Variants in SLC4A8 observed in about 807,000 individuals in gnomAD.
SLC4A8 encodes the protein solute carrier family 4 member 8, also known as electroneutral sodium bicarbonate exchanger 1.
A neutral mutation model predicts 125.0 loss-of-function variants in SLC4A8; 40 were observed. The ratio of observed to expected loss-of-function variants is 0.32; its 90% CI spans 0.25 to 0.42. The LOEUF (loss-of-function observed/expected upper bound fraction) is 0.42. Ranked by LOEUF, SLC4A8 falls within the 10% of genes least tolerant of loss-of-function variation. The pLI is 1.00. For synonymous variants in SLC4A8, 456 were observed against 476.0 expected, an observed-to-expected ratio of 0.96 and a Z score of 0.55; for missense variants, 863 against 1,355.1, an observed-to-expected ratio of 0.64 and a Z score of 5.70.
chr12:51,469,419 A>T (rs1310589011), intron 11 of SLC4A8, among the ~76,000 whole-genome samples, 195 bp from the exon 12 acceptor site: 1 of 152,098 alleles, frequency 6.6e-6, no homozygotes, highest in Non-Finnish European at 1.5e-5. Context: ...TATTCATTCA[A>T]ATTTACCTAA....
rs952140655 is a variant in SLC4A8, at chr12:51,495,728, C to T, written c.2943+610C>T. On this transcript the variant is annotated intron_variant, in intron 21 of 24. Transcript: ENST00000453097. ...AACTTCTGACCTCAGGTGATCCACCCGTCTCAACCTCCCAAAGTGCTGGGA... is the reference window on the plus strand; with the variant it reads ...AACTTCTGACCTCAGGTGATCCACCTGTCTCAACCTCCCAAAGTGCTGGGA... Among the ~76,000 whole-genome samples, 9 of 151,902 alleles carry T rather than the reference C, an allele frequency of 5.9e-5. No homozygotes were observed. In the South Asian group the frequency reaches 1.0e-3, roughly 18 times the overall value.
At chr12:51,499,365 A>T (rs1280685363) in intron 22 of SLC4A8, among the ~76,000 whole-genome samples, 13 of 151,974 alleles carry the variant, frequency 8.6e-5, no homozygotes, top group Non-Finnish European at 4.4e-5. Flanking sequence ...CACGTGAAAA[A>T]GATTGGAAGA....
chr12:51,482,242 T>G (rs559191734), intron 16 of SLC4A8, among the ~76,000 whole-genome samples: 4 of 152,328 alleles, frequency 2.6e-5, no homozygotes, highest in Non-Finnish European at 4.4e-5. Context: ...CAATATTTTA[T>G]ATTGATTACA....
intron 1 of SLC4A8, among the ~76,000 whole-genome samples, chr12:51,413,701 C>T (rs1038370651): frequency 3.3e-5 from 5 of 152,062 alleles, no homozygotes; most frequent in African/African-American, 1.2e-4. Context: ...GTTCTTCATG[C>T]CTTTGTTGAA....
At chr12:51,429,445 G>A (rs997684815) in intron 1 of SLC4A8, among the ~76,000 whole-genome samples, 5 of 152,186 alleles carry the variant, frequency 3.3e-5, no homozygotes, top group Non-Finnish European at 2.9e-5. Flanking sequence ...AATTCAGGAT[G>A]AGTTAATGAA....
intron 22 of SLC4A8, among the ~76,000 whole-genome samples, chr12:51,503,410 A>G (rs1463015676): frequency 1.3e-5 from 2 of 150,564 alleles, no homozygotes; most frequent in Non-Finnish European, 1.5e-5. Context: ...ACGAGGTTTC[A>G]CCGTGTTAGC....
chr12:51,464,049 G>T (rs902031508), intron 11 of SLC4A8, among the ~76,000 whole-genome samples: 1 of 152,052 alleles, frequency 6.6e-6, no homozygotes, highest in Admixed American at 6.5e-5. Context: ...CCTTTGGAAA[G>T]CCTTCTAGGA....
intron 14 of SLC4A8, among the ~76,000 whole-genome samples, chr12:51,473,856 C>T (rs775955517): frequency 5.3e-5 from 8 of 152,116 alleles, no homozygotes; most frequent in South Asian, 2.1e-4. Context: ...GCTTACATCA[C>T]GATTCCAGGA....
At chr12:51,470,657 C>T (rs1487070165) in intron 13 of SLC4A8, 132 bp downstream of exon 13, 2 of 829,306 alleles carry the variant, frequency 2.4e-6, no homozygotes, top group Non-Finnish European at 3.8e-6. Context: ...AGGAGACCAT[C>T]ATTTGGTCTG....
At chr12:51,474,085 G>A (rs1950791878) in intron 14 of SLC4A8, among the ~76,000 whole-genome samples, 1 of 152,148 alleles carries the variant, frequency 6.6e-6, no homozygotes, top group Non-Finnish European at 1.5e-5. Context: ...CTCATTCTGG[G>A]CACATCAGAT....
chr12:51,488,656 G>A (rs950521762), intron 17 of SLC4A8, 43 bp from the exon 18 acceptor site: 1 of 1,518,236 alleles, frequency 6.6e-7, no homozygotes, highest in Non-Finnish European at 9.1e-7. Flanking sequence ...TTACCCCAAT[G>A]ACTATAACTT....
At chr12:51,402,952 T>G (rs903030295) in intron 1 of SLC4A8, 1 of 316,326 alleles carries the variant, frequency 3.2e-6, no homozygotes, top group Non-Finnish European at 6.3e-6. Context: ...TGGGGGTCCC[T>G]GATAGAATCC....
At chr12:51,494,821 C>A in intron 20 of SLC4A8, 124 bp from the exon 21 acceptor site, 1 of 707,206 alleles carries the variant, frequency 1.4e-6, no homozygotes, top group South Asian at 2.8e-5. Context: ...GTTTCCATTT[C>A]TGTCCAGAGG....
intron 1 of SLC4A8, chr12:51,425,460 G>T: frequency 8.0e-6 from 8 of 994,152 alleles, no homozygotes; most frequent in Non-Finnish European, 8.4e-6. Context: ...GGGGTTTCTG[G>T]TTCCTCAGTG....
rs973634340 is a variant in SLC4A8 at position 51,513,303 on chromosome 12, A to G, written c.*5865A>G. Reference sequence around the variant, plus strand: ...CTTCTGAAGACAGGATTGCCAAGAGATGTGATCTTTCCACATACAGCTCCT... The same window carrying G: ...CTTCTGAAGACAGGATTGCCAAGAGGTGTGATCTTTCCACATACAGCTCCT... On this transcript the variant is annotated 3_prime_UTR_variant, in exon 25 of 25. Transcript: ENST00000453097. 6 of 152,174 alleles carry G rather than the reference A, an allele frequency of 3.9e-5. No homozygotes were observed. The highest frequency in any genetic ancestry group is 1.4e-4 in the African/African-American group (6 of 41,442). The allele number at this position is 152,174 out of a possible 1,614,324, so 9.4% of individuals were successfully genotyped here.
chr12:51,501,029 C>T (rs917921599), intron 22 of SLC4A8, among the ~76,000 whole-genome samples: 1 of 152,178 alleles, frequency 6.6e-6, no homozygotes, highest in Non-Finnish European at 1.5e-5. Flanking sequence ...CCGGGTTTCA[C>T]GGTGATAGCC....
At chr12:51,393,210 T>A (rs970131341) in intron 1 of SLC4A8, among the ~76,000 whole-genome samples, 11 of 151,856 alleles carry the variant, frequency 7.2e-5, no homozygotes, top group African/African-American at 2.4e-4. Flanking sequence ...GACCTCCGGG[T>A]CTCAAGCTGT....
intron 22 of SLC4A8, 36 bp from the exon 23 acceptor site, chr12:51,503,993 T>A (rs757376365): frequency 3.3e-6 from 4 of 1,217,066 alleles, no homozygotes; most frequent in Non-Finnish European, 3.5e-6. Flanking sequence ...TGGTCTTACT[T>A]GGTCCAAGAT....
chr12:51,411,463 C>T (rs141456641), intron 1 of SLC4A8, among the ~76,000 whole-genome samples: 4 of 152,090 alleles, frequency 2.6e-5, no homozygotes, highest in Middle Eastern at 3.4e-3. Flanking sequence ...GTGGTGTGCA[C>T]CTGTAGTCCC....
Sources: allele counts gnomAD v4.1 joint callset (sites outside exome capture counted in the v4.1 genomes callset), GRCh38; gene constraint gnomAD v4.1.1; transcripts MANE v1.5; gene names NCBI Gene and HGNC (gene_info 2026-07-23, HGNC 2026-07-21).